The following CSMD3 variants were observed in gnomAD, a reference collection of about 807,000 sequenced individuals.
The protein encoded by CSMD3 is CUB and Sushi multiple domains 3.
A neutral mutation model predicts 435.2 loss-of-function variants in CSMD3; 177 were observed. The ratio of observed to expected loss-of-function variants is 0.41; its 90% CI spans 0.36 to 0.46. The LOEUF is 0.46. Among genes scored for constraint, CSMD3 ranks in the 20% least tolerant of loss-of-function variants. The pLI is 0.34. For synonymous variants in CSMD3, 1,656 were observed against 1,520.5 expected, an observed-to-expected ratio of 1.09 and a Z score of -2.07; for missense variants, 4,265 against 4,504.6, an observed-to-expected ratio of 0.95 and a Z score of 1.52.
chr8:112,688,775 C>T (rs940357183), intron 14 of CSMD3, among the ~76,000 whole-genome samples: 1 of 151,894 alleles, frequency 6.6e-6, no homozygotes, highest in African/African-American at 2.4e-5. Context: ...ATCAGGATAT[C>T]AGACCTAATT....
At chr8:113,146,783 A>G (rs1325292654) in intron 4 of CSMD3, among the ~76,000 whole-genome samples, 1 of 151,646 alleles carries the variant, frequency 6.6e-6, no homozygotes, top group Non-Finnish European at 1.5e-5. Context: ...TTTTGGTAAT[A>G]TGAAAATCTT....
chr8:113,401,045 C>A lies in CSMD3; in HGVS notation c.178+35632G>T, dbSNP rs558860998. Among the ~76,000 whole-genome samples the A allele has an allele frequency of 2.6e-5, 4 of 151,660 alleles. 1 individual carries two copies. Among genetic ancestry groups the A allele is most frequent in the South Asian group, 4.2e-4 (2 of 4,808 alleles). ...GTAAAACAGTAGAAATATAATGTTA[C>A]CCTAACCATTTAGAGAAGAGCAGAC... is the stretch of plus-strand genomic sequence containing the variant. On this transcript the variant is annotated intron_variant, in intron 1 of 70. Transcript: ENST00000297405.
chr8:113,281,051 T>C (rs912710528), intron 2 of CSMD3, among the ~76,000 whole-genome samples: 8 of 151,938 alleles, frequency 5.3e-5, no homozygotes, highest in African/African-American at 1.9e-4. Flanking sequence ...TTTCTTTATT[T>C]ATTGAGGCTC....
At chr8:112,902,035 T>C (rs1480647101) in intron 10 of CSMD3, among the ~76,000 whole-genome samples, 1 of 151,276 alleles carries the variant, frequency 6.6e-6, no homozygotes, top group African/African-American at 2.4e-5. Context: ...AAAGAAATTC[T>C]CCCAAGTGAG....
At chr8:112,908,173 C>A (rs188506761) in intron 10 of CSMD3, among the ~76,000 whole-genome samples, 1 of 151,364 alleles carries the variant, frequency 6.6e-6, no homozygotes, top group East Asian at 2.0e-4. Context: ...ACTAGCTTAA[C>A]GTATTTCATA....
chr8:112,341,363 G>GTTTTTTTTTTTTT, intron 42 of CSMD3, 114 bp downstream of exon 42: 2 of 670,396 alleles, frequency 3.0e-6, no homozygotes, highest in South Asian at 2.0e-5. Flanking sequence ...CTTGGCTTAA[G>GTTTTTTTTTTTTT]TTTTTTTTTT....
At chr8:112,954,430 A>T (rs2083936985) in intron 8 of CSMD3, among the ~76,000 whole-genome samples, 1 of 151,616 alleles carries the variant, frequency 6.6e-6, no homozygotes, top group Non-Finnish European at 1.5e-5. Context: ...GATCAAAAGA[A>T]TATTTTTACA....
intron 1 of CSMD3, among the ~76,000 whole-genome samples, chr8:113,344,555 T>C (rs2094140090): frequency 6.6e-6 from 1 of 152,140 alleles, no homozygotes; most frequent in Non-Finnish European, 1.5e-5. Flanking sequence ...ACATGCACTA[T>C]AACTCCCTAA....
chr8:112,745,290 G>A (rs1338289751), intron 13 of CSMD3, among the ~76,000 whole-genome samples: 4 of 151,944 alleles, frequency 2.6e-5, no homozygotes, highest in Admixed American at 1.3e-4. Context: ...TAGTTCCTAG[G>A]TTTTCTTCCT....
At chr8:113,153,531 A>C (rs2091874345) in intron 4 of CSMD3, among the ~76,000 whole-genome samples, 1 of 152,212 alleles carries the variant, frequency 6.6e-6, no homozygotes, top group African/African-American at 2.4e-5. Context: ...TATGACACTT[A>C]CATTGTTTGG....
chr8:112,546,554 G>A (rs1827199036), intron 27 of CSMD3, among the ~76,000 whole-genome samples: 1 of 152,200 alleles, frequency 6.6e-6, no homozygotes, highest in Non-Finnish European at 1.5e-5. Flanking sequence ...ATTCTCAACA[G>A]AGAGGTCAAA....
At chr8:113,098,702 C>A (rs763228486) in intron 5 of CSMD3, 54 bp downstream of exon 5, 1 of 1,186,986 alleles carries the variant, frequency 8.4e-7, no homozygotes, top group Admixed American at 1.7e-5. Context: ...GTTCTTTGTT[C>A]CTTAGTTTGC....
intron 3 of CSMD3, among the ~76,000 whole-genome samples, chr8:113,206,324 T>C (rs1332749460): frequency 6.6e-6 from 1 of 152,300 alleles, no homozygotes; most frequent in East Asian, 1.9e-4. Context: ...CCATCAAAAT[T>C]CTATACTCTT....
At chr8:112,752,256 C>T (rs1029802390) in intron 13 of CSMD3, among the ~76,000 whole-genome samples, 1 of 152,144 alleles carries the variant, frequency 6.6e-6, no homozygotes, top group African/African-American at 2.4e-5. Flanking sequence ...TATTCCTAAG[C>T]CTCTTTACTA....
intron 11 of CSMD3, among the ~76,000 whole-genome samples, chr8:112,857,277 G>T (rs184042540): frequency 5.9e-5 from 9 of 151,836 alleles, no homozygotes; most frequent in Non-Finnish European, 1.0e-4. Flanking sequence ...AAGTAATTAT[G>T]TCCTCCTAAG....
chr8:112,552,219 G>T (rs1827745366), intron 26 of CSMD3, among the ~76,000 whole-genome samples: 1 of 151,706 alleles, frequency 6.6e-6, no homozygotes, highest in Admixed American at 6.6e-5. Flanking sequence ...AATGGGCCAG[G>T]TGTAGTGGCT....
At chr8:112,499,165 G>T (rs1821674372) in intron 30 of CSMD3, among the ~76,000 whole-genome samples, 1 of 151,854 alleles carries the variant, frequency 6.6e-6, no homozygotes. Flanking sequence ...GGAAGATTTT[G>T]AAATTAGGAA....
chr8:112,296,520 A>C (rs1820293003), intron 53 of CSMD3, among the ~76,000 whole-genome samples: 1 of 151,830 alleles, frequency 6.6e-6, no homozygotes, highest in African/African-American at 2.4e-5. Flanking sequence ...ACCGCACTCC[A>C]GCCTGGGCAA....
At chr8:113,047,035 T>C (rs1297372009) in intron 5 of CSMD3, among the ~76,000 whole-genome samples, 1 of 152,144 alleles carries the variant, frequency 6.6e-6, no homozygotes, top group Non-Finnish European at 1.5e-5. Flanking sequence ...ATCAGGTTGA[T>C]GGAGTTCTGC....
Sources: allele counts gnomAD v4.1 joint callset (sites outside exome capture counted in the v4.1 genomes callset), GRCh38; gene constraint gnomAD v4.1.1; transcripts MANE v1.5; gene names NCBI Gene and HGNC (gene_info 2026-07-23, HGNC 2026-07-21).